Variants in NDUFAF6 observed in about 807,000 individuals in gnomAD.
NDUFAF6 encodes the protein NADH dehydrogenase (ubiquinone) complex I, assembly factor 6.
In NDUFAF6, 45 loss-of-function variants were observed where a neutral mutation model predicts 40.8. That is an observed-to-expected ratio of 1.10 (90% CI 0.87 to 1.42). The LOEUF is 1.42. NDUFAF6 is among the 40% of genes most tolerant of loss of function. NDUFAF6 has a pLI of 0.00. For missense variants in NDUFAF6, 435 were observed against 418.5 expected (o/e 1.04, Z -0.34); for synonymous variants, 185 against 155.9 (o/e 1.19, Z -1.39).
chr8:94,991,964 A>G (rs750455415), intron 2 of NDUFAF6, among the ~76,000 whole-genome samples: 9 of 152,230 alleles, frequency 5.9e-5, no homozygotes, highest in Non-Finnish European at 1.2e-4. Flanking sequence ...TTTTGCATGT[A>G]TGTGAGTATA....
intron 1 of NDUFAF6, among the ~76,000 whole-genome samples, chr8:95,026,728 A>AT (rs1278890266): frequency 6.6e-6 from 1 of 152,054 alleles, no homozygotes; most frequent in African/African-American, 2.4e-5. Context: ...TTTCTTATCT[A>AT]TTTTTCCAGG....
At chr8:94,904,245 G>A (rs1169427030) in intron 1 of NDUFAF6, among the ~76,000 whole-genome samples, 2 of 143,594 alleles carry the variant, frequency 1.4e-5, no homozygotes, top group South Asian at 2.2e-4. Flanking sequence ...GTGGGTTCAC[G>A]CCATTCTCCT....
intron 3 of NDUFAF6, among the ~76,000 whole-genome samples, chr8:95,038,628 G>A (rs565508288): frequency 6.6e-6 from 1 of 152,218 alleles, no homozygotes; most frequent in African/African-American, 2.4e-5. Flanking sequence ...GATTACAGGC[G>A]TGAGCGAATT....
intron 1 of NDUFAF6, among the ~76,000 whole-genome samples, chr8:94,909,348 CAAAAAAAAAAA>C (rs556065794): frequency 1.4e-4 from 13 of 91,912 alleles, no homozygotes; most frequent in South Asian, 1.0e-3. Context: ...GACTCCGTCT[CAAAAAAAAAAA>C]AAAAAAAAAA....
intron 4 of NDUFAF6, among the ~76,000 whole-genome samples, chr8:95,044,924 A>G (rs752795906): frequency 8.6e-5 from 13 of 151,982 alleles, no homozygotes; most frequent in Non-Finnish European, 1.2e-4. Flanking sequence ...TCTTGCATAT[A>G]GTGTATCTAG....
chr8:94,991,389 CTG>C (rs1160729627), intron 2 of NDUFAF6, among the ~76,000 whole-genome samples: 1 of 152,152 alleles, frequency 6.6e-6, no homozygotes, highest in Non-Finnish European at 1.5e-5. Flanking sequence ...AGCGTGAACT[CTG>C]GAGTCAGGCA....
At chr8:94,948,962 C>A (rs907388258) in intron 2 of NDUFAF6, among the ~76,000 whole-genome samples, 1 of 150,606 alleles carries the variant, frequency 6.6e-6, no homozygotes, top group South Asian at 2.1e-4. Flanking sequence ...GAGGACCGAC[C>A]CACTGGGTGG....
chr8:95,033,512 A>G (rs1305664258), intron 2 of NDUFAF6, among the ~76,000 whole-genome samples: 1 of 152,218 alleles, frequency 6.6e-6, no homozygotes, highest in African/African-American at 2.4e-5. Flanking sequence ...GTCTGTATTC[A>G]ATGCTATACC....
At chr8:95,003,693 T>C (rs768762142) in intron 2 of NDUFAF6, among the ~76,000 whole-genome samples, 1 of 152,194 alleles carries the variant, frequency 6.6e-6, no homozygotes, top group South Asian at 2.1e-4. Flanking sequence ...AACATTCTTA[T>C]CTCCTTTCTC....
At chr8:94,965,655 G>A (rs755226139) in intron 1 of NDUFAF6, among the ~76,000 whole-genome samples, 8 of 152,174 alleles carry the variant, frequency 5.3e-5, no homozygotes, top group Non-Finnish European at 1.0e-4. Context: ...AAACTCAACA[G>A]AATTTAGTCA....
chr8:94,999,066 T>C (rs548556239), intron 2 of NDUFAF6, among the ~76,000 whole-genome samples: 6 of 152,030 alleles, frequency 3.9e-5, no homozygotes, highest in African/African-American at 1.4e-4. Flanking sequence ...TAAAATGTCA[T>C]AAAACATTTA....
chr8:95,010,580 T>TC, intron 2 of NDUFAF6, among the ~76,000 whole-genome samples: 1 of 152,238 alleles, frequency 6.6e-6, no homozygotes, highest in Non-Finnish European at 1.5e-5. Flanking sequence ...AGAAAAGGAT[T>TC]GTGTTCCTGA....
chr8:95,051,314 G>C (rs1831400656), intron 7 of NDUFAF6, among the ~76,000 whole-genome samples: 1 of 152,174 alleles, frequency 6.6e-6, no homozygotes, highest in African/African-American at 2.4e-5. Context: ...CCAGTGTCTT[G>C]AAAATCAAGG....
intron 2 of NDUFAF6, among the ~76,000 whole-genome samples, chr8:95,004,378 C>T (rs1390949083): frequency 6.9e-5 from 9 of 131,026 alleles, no homozygotes; most frequent in African/African-American, 2.5e-4. Context: ...TTTTTGAGAC[C>T]GGGTCTTGCT....
chr8:95,025,762 T>C (rs1204659811), intron 1 of NDUFAF6, among the ~76,000 whole-genome samples: 1 of 152,230 alleles, frequency 6.6e-6, no homozygotes, highest in Non-Finnish European at 1.5e-5. Context: ...TTAGAGAATT[T>C]GCCACAGGTT....
intron 2 of NDUFAF6, among the ~76,000 whole-genome samples, chr8:94,985,922 G>T (rs888985503): frequency 4.7e-5 from 7 of 148,804 alleles, no homozygotes; most frequent in Non-Finnish European, 1.0e-4. Context: ...CGCCCAGGCT[G>T]GAGTGCAGTG....
chr8:95,057,737 T>A (rs1032860776), intron 8 of NDUFAF6, 72 bp from the exon 9 acceptor site: 2 of 1,184,962 alleles, frequency 1.7e-6, no homozygotes, highest in East Asian at 2.4e-5. Context: ...GTAATTATTC[T>A]TTAGTTAGTT....
At chr8:95,070,455 C>CT (rs1488313478) in intron 9 of NDUFAF6, among the ~76,000 whole-genome samples, 1 of 152,076 alleles carries the variant, frequency 6.6e-6, no homozygotes, top group African/African-American at 2.4e-5. Context: ...TAACATTAAG[C>CT]TTTGAAATTT....
chr8:94,909,383 C>T (rs370311441), intron 1 of NDUFAF6, among the ~76,000 whole-genome samples: 114 of 29,248 alleles, frequency 3.9e-3, no homozygotes, highest in Middle Eastern at 0.038. Flanking sequence ...AAAAAAAAAA[C>T]ACTTCGGGAG....
Sources: allele counts gnomAD v4.1 joint callset (sites outside exome capture counted in the v4.1 genomes callset), GRCh38; gene constraint gnomAD v4.1.1; transcripts MANE v1.5; gene names NCBI Gene and HGNC (gene_info 2026-07-23, HGNC 2026-07-21).